The following WDR19 variants were observed in gnomAD, a reference collection of about 807,000 sequenced individuals.
WDR19 encodes WD repeat domain 19.
In WDR19, 121 loss-of-function variants were observed where a neutral mutation model predicts 180.0. That is an observed-to-expected ratio of 0.67 (90% confidence interval 0.58 to 0.78). WDR19 has a LOEUF of 0.78. Among genes scored for constraint, WDR19 ranks in the 30% least tolerant of loss-of-function variants. The pLI, the probability that WDR19 is intolerant of heterozygous loss-of-function variation, is 0.00. For synonymous variants in WDR19, 497 were observed against 540.7 expected, an observed-to-expected ratio of 0.92 and a Z score of 1.12; for missense variants, 1,450 against 1,640.7, an observed-to-expected ratio of 0.88 and a Z score of 2.01.
In WDR19 at chr4:39,224,907, C is replaced by T; in HGVS notation, c.1503C>T (p.Tyr501=). 1 of 1,553,938 alleles carries T rather than the reference C, an allele frequency of 6.4e-7. No homozygotes were observed. The highest frequency in any genetic ancestry group is 8.7e-7 in the Non-Finnish European group (1 of 1,149,054). Residue 501 remains tyrosine (Y), a synonymous_variant, in exon 15 of 37, where the codon TAC becomes TAT. Coordinates refer to ENST00000399820, the MANE Select transcript of WDR19 (RefSeq NM_025132.4). The part of the protein sequence containing the change: ...GTDTGVVQYF[Y]IEDWQFVNDY... ...AGACTGGTGTCGTTCAGTATTTCTA[C>T]ATTGAAGACTGGCAATTCGTTAATG...
At chr4:39,227,527 A>C (rs1235524311) in intron 15 of WDR19, among the ~76,000 whole-genome samples, 1 of 152,206 alleles carries the variant, frequency 6.6e-6, no homozygotes, top group East Asian at 1.9e-4. Context: ...TTCCCCATAC[A>C]GTATGACAAC....
intron 33 of WDR19, 108 bp from the exon 34 acceptor site, chr4:39,276,912 T>G (rs1287624978): frequency 1.5e-6 from 2 of 1,366,870 alleles, no homozygotes; most frequent in East Asian, 4.7e-5. Flanking sequence ...AGTCTGACTA[T>G]GAAGTAGGTG....
At chr4:39,250,892 T>C (rs1733094092) in intron 24 of WDR19, among the ~76,000 whole-genome samples, 2 of 152,348 alleles carry the variant, frequency 1.3e-5, no homozygotes, top group South Asian at 4.1e-4. Context: ...TCCATGCTCA[T>C]GGGTAGGAAG....
At chr4:39,221,461 G>GT (rs1218923644) in intron 14 of WDR19, among the ~76,000 whole-genome samples, 1 of 152,182 alleles carries the variant, frequency 6.6e-6, no homozygotes, top group African/African-American at 2.4e-5. Context: ...AAAATATCAT[G>GT]TTTTTTGGCA....
chr4:39,195,508 A>C (rs1726665962), intron 5 of WDR19, among the ~76,000 whole-genome samples: 1 of 152,002 alleles, frequency 6.6e-6, no homozygotes, highest in Admixed American at 6.6e-5. Context: ...TTGCCTCAGG[A>C]TATGCAGCCA....
intron 14 of WDR19, chr4:39,218,675 T>C (rs1729342132): frequency 6.6e-6 from 1 of 152,180 alleles, no homozygotes; most frequent in Non-Finnish European, 1.5e-5. Context: ...ACACTAAACT[T>C]ATTTAAACAT....
At chr4:39,228,159 A>T in intron 15 of WDR19, 51 bp from the exon 16 acceptor site, 2 of 1,595,752 alleles carry the variant, frequency 1.3e-6, no homozygotes, top group South Asian at 1.1e-5. Context: ...ACGGCAAATG[A>T]TAATGATTCA....
chr4:39,240,407 G>A, intron 21 of WDR19, 73 bp downstream of exon 21: 2 of 941,190 alleles, frequency 2.1e-6, no homozygotes, highest in Non-Finnish European at 2.9e-6. Context: ...TAAAAATCAT[G>A]GTCTTATTTG....
In WDR19 at chr4:39,208,306, T is replaced by A. The variant is rs1256423493; in HGVS notation, c.890+2570T>A. On this transcript the variant is annotated intron_variant, in intron 9 of 36. Coordinates refer to ENST00000399820, the MANE Select transcript of WDR19 (RefSeq NM_025132.4). The stretch of plus-strand genomic sequence containing the variant: ...TTATTAGACATAGACTGAGTGGATT[T>A]TTTTTTTTTTTTTTTTTTGAGACAG... 4.4e-5 allele frequency among the ~76,000 whole-genome samples: 3 copies of A among 68,476 alleles called. No individual in the cohort carries two copies. In the East Asian group the frequency reaches 8.4e-4, roughly 19 times the overall value. 44.9% of individuals were successfully genotyped at this position (68,476 alleles called of 152,430 possible).
chr4:39,214,365 C>G (rs1242838041), intron 9 of WDR19, among the ~76,000 whole-genome samples: 1 of 152,034 alleles, frequency 6.6e-6, no homozygotes, highest in Non-Finnish European at 1.5e-5. Flanking sequence ...ACAACCCTAC[C>G]CGCCCCCCAT....
In WDR19 at chr4:39,185,937, C is replaced by A. The variant is rs560417080; in HGVS notation, c.98+120C>A. ...TTTAAATGGAGTCTAGCTTTGTTGC[C>A]CAGGATGGAGTGCAGTGGCACGATC... On this transcript the variant is annotated intron_variant, in intron 2 of 36. Coordinates refer to ENST00000399820, the MANE Select transcript of WDR19 (RefSeq NM_025132.4). 8.6e-5 allele frequency: 74 copies of A among 863,310 alleles called. No homozygotes were observed. In the African/African-American group the frequency reaches 1.1e-3, roughly 13 times the overall value. 53.5% of individuals were successfully genotyped at this position (863,310 alleles called of 1,614,324 possible).
At chr4:39,242,355 C>A (rs1246519742) in intron 21 of WDR19, among the ~76,000 whole-genome samples, 1 of 152,148 alleles carries the variant, frequency 6.6e-6, no homozygotes, top group African/African-American at 2.4e-5. Flanking sequence ...CTCCTGACCT[C>A]AAGCCATCCT....
rs2109329846 is a variant in WDR19 at position 39,217,207 on chromosome 4, T to A, written c.1323T>A (p.Ala441=). The A allele has an allele frequency of 1.2e-6, 2 of 1,606,218 alleles. No individual in the cohort carries two copies. Among genetic ancestry groups the A allele is most frequent in the Non-Finnish European group, 1.7e-6 (2 of 1,176,270 alleles). Reference sequence around the variant, plus strand: ...TTTGCCTTCATTCTGACTATGCTGCTGCACTTTTTGAAGGCAAAGTCCAGT... The same window carrying A: ...TTTGCCTTCATTCTGACTATGCTGCAGCACTTTTTGAAGGCAAAGTCCAGT... ...ASICLHSDYA[A]ALFEGKVQLH... is the part of the protein sequence containing the mutation. The change falls in exon 13 of 37, where the codon GCT becomes GCA. Residue 441 remains alanine, a synonymous_variant. Transcript: ENST00000399820.
At chr4:39,257,974 C>T (rs1733924903) in intron 28 of WDR19, among the ~76,000 whole-genome samples, 1 of 151,102 alleles carries the variant, frequency 6.6e-6, no homozygotes, top group South Asian at 2.1e-4. Flanking sequence ...CCACATGTCA[C>T]CCCCCAGTCA....
chr4:39,194,660 G>T lies in WDR19; in HGVS notation c.406+1G>T, dbSNP rs1302687489. 3.1e-6 allele frequency: 5 copies of T among 1,589,438 alleles called. No individual in the cohort carries two copies. The highest frequency in any genetic ancestry group is 4.3e-6 in the Non-Finnish European group (5 of 1,159,970). On this transcript the variant is annotated splice_donor_variant, in intron 5 of 36. Transcript: ENST00000399820. LOFTEE classifies it high-confidence loss of function. ...ACATCTCGAAAGATTCCTGTCCTTG[G>T]TAGGTGATAGCTGGAAACACTGCTA...
At chr4:39,248,345 G>A (rs1250673499) in intron 24 of WDR19, among the ~76,000 whole-genome samples, 2 of 152,178 alleles carry the variant, frequency 1.3e-5, no homozygotes, top group Non-Finnish European at 2.9e-5. Flanking sequence ...AAGAGCTCCT[G>A]AAGGAAGCAC....
chr4:39,243,123 T>A (rs1732141007), intron 21 of WDR19, among the ~76,000 whole-genome samples: 1 of 145,802 alleles, frequency 6.9e-6, no homozygotes, highest in African/African-American at 2.6e-5. Context: ...ATTCATTTTT[T>A]AAAATCACTG....
At chr4:39,186,751 G>T in intron 3 of WDR19, 147 bp downstream of exon 3, 1 of 561,208 alleles carries the variant, frequency 1.8e-6, no homozygotes, top group Admixed American at 3.7e-5. Context: ...AAGTAGTTAT[G>T]AAATATGTAG....
chr4:39,274,723 C>T, intron 32 of WDR19, 85 bp from the exon 33 acceptor site: 1 of 1,481,772 alleles, frequency 6.7e-7, no homozygotes, highest in Non-Finnish European at 9.2e-7. Flanking sequence ...ACCCTGTTTT[C>T]CTACAGAACC....
Sources: gnomAD v4.1 joint callset for allele counts (sites outside exome capture counted in the v4.1 genomes callset) on GRCh38, gnomAD v4.1.1 for gene constraint, MANE v1.5 for transcripts, NCBI Gene and HGNC (gene_info 2026-07-23, HGNC 2026-07-21) for gene names.